The following TPRG1 variants were observed in gnomAD, a reference collection of about 807,000 sequenced individuals.
TPRG1 encodes tumor protein p63-regulated gene 1 protein.
Under a neutral mutation model 29.3 loss-of-function variants are expected in TPRG1, and 29 were observed. The observed-to-expected ratio is 0.99, with a 90% CI of 0.74 to 1.35. The LOEUF is 1.35. Ranked by LOEUF, TPRG1 falls within the 40% of genes most tolerant of loss-of-function variation. The pLI is 0.00. For synonymous variants in TPRG1, 130 were observed against 116.8 expected (o/e 1.11, Z -0.73); for missense variants, 327 against 335.0 (o/e 0.98, Z 0.19).
At chr3:189,108,517 T>C (rs1044941533) in intron 1 of TPRG1, among the ~76,000 whole-genome samples, 4 of 151,460 alleles carry the variant, frequency 2.6e-5, no homozygotes, top group Admixed American at 2.0e-4. Flanking sequence ...CCATAAATTT[T>C]ATTTTTTAGA....
chr3:189,070,086 A>C (rs560789611), intron 4 of TPRG1, among the ~76,000 whole-genome samples: 3 of 152,346 alleles, frequency 2.0e-5, no homozygotes, highest in Admixed American at 2.0e-4. Flanking sequence ...TTTCAAAAAA[A>C]GAAAAAAAGG....
intron 4 of TPRG1, chr3:189,267,562 G>A (rs1714329025): frequency 6.6e-6 from 1 of 152,192 alleles, no homozygotes; most frequent in South Asian, 2.1e-4. Flanking sequence ...AATTTTGGTA[G>A]AGAGTTATAA....
At chr3:189,193,985 A>G (rs1026305757) in intron 1 of TPRG1, among the ~76,000 whole-genome samples, 1 of 147,460 alleles carries the variant, frequency 6.8e-6, no homozygotes, top group African/African-American at 2.5e-5. Context: ...TTGCTTTTTC[A>G]TGTTTCTTAT....
At chr3:189,091,352 A>G (rs1718325319) in intron 4 of TPRG1, among the ~76,000 whole-genome samples, 1 of 152,176 alleles carries the variant, frequency 6.6e-6, no homozygotes, top group Admixed American at 6.5e-5. Flanking sequence ...ACCCATTTTA[A>G]GTATATATTT....
intron 3 of TPRG1, among the ~76,000 whole-genome samples, chr3:189,013,551 C>G (rs1712728002): frequency 6.6e-6 from 1 of 152,154 alleles, no homozygotes; most frequent in Non-Finnish European, 1.5e-5. Flanking sequence ...TGATCCAGAG[C>G]TGAGTTCAGG....
Position 189,158,288 on chromosome 3 carries a change from C to T in TPRG1, c.-10+7416C>T, listed in dbSNP as rs935211327. Among the ~76,000 whole-genome samples the T allele has an allele frequency of 7.2e-5, 11 of 152,040 alleles. No homozygotes were observed. The East Asian group carries it at 7.7e-4, about 11-fold the overall frequency. ...TCTTTATGCAGCTGGGGGAACTGAG[C>T]GGTTGAGGGATCTAAAGCATTTTAA... On this transcript the variant is annotated intron_variant, in intron 5 of 6. Coordinates refer to the TPRG1 transcript ENST00000412373.
At chr3:189,266,672 G>A (rs970764211) in intron 4 of TPRG1, among the ~76,000 whole-genome samples, 6 of 152,134 alleles carry the variant, frequency 3.9e-5, no homozygotes, top group Admixed American at 3.9e-4. Context: ...GACTCTGCAA[G>A]TATACAAAAC....
rs201972502 is a variant in TPRG1 at position 189,092,442 on chromosome 3, C to CT, written c.-462-34599dup. On this transcript the variant is annotated intron_variant, in intron 4 of 10. Coordinates refer to the TPRG1 transcript ENST00000433971. ...AGAATACATTATTTATCTGAAATTT[C>CT]TTTTTTTTTTTTTTTTGGTATCTTC... Among the ~76,000 whole-genome samples, 1,182 of 131,320 alleles carry CT rather than the reference C, an allele frequency of 9.0e-3. 14 individuals are homozygous for CT. Among genetic ancestry groups the CT allele is most frequent in the South Asian group, 0.015 (61 of 4,048 alleles). The allele number at this position is 131,320 out of a possible 152,430, so 86.2% of individuals were successfully genotyped here. A position where few individuals can be genotyped will look rare whatever the true frequency, so the allele number is the denominator to read the frequency against.
chr3:189,323,291 C>G lies in TPRG1; in HGVS notation c.*2471C>G, dbSNP rs764844341. On this transcript the variant is annotated 3_prime_UTR_variant, in exon 6 of 6. Coordinates refer to ENST00000345063, the MANE Select transcript of TPRG1 (RefSeq NM_198485.4). ...TGTTGCTAGTACTTAGTTAATTAGACCCATTTTTTTCTTAGGAAAGAGTTG... is the reference window on the plus strand; with the variant it reads ...TGTTGCTAGTACTTAGTTAATTAGAGCCATTTTTTTCTTAGGAAAGAGTTG... 1 of 152,008 alleles carries G rather than the reference C, an allele frequency of 6.6e-6. No individual in the cohort carries two copies. Among genetic ancestry groups the G allele is most frequent in the Non-Finnish European group, 1.5e-5 (1 of 67,982 alleles). 9.4% of individuals were successfully genotyped at this position (152,008 alleles called of 1,614,324 possible).
chr3:189,249,966 G>T (rs745739056), intron 4 of TPRG1, among the ~76,000 whole-genome samples: 1 of 152,090 alleles, frequency 6.6e-6, no homozygotes, highest in Non-Finnish European at 1.5e-5. Context: ...CCTTCTAAAA[G>T]ATGAAAAATT....
upstream of TPRG1, among the ~76,000 whole-genome samples, chr3:189,167,822 C>G (rs1209270638): frequency 6.6e-6 from 1 of 152,116 alleles, no homozygotes; most frequent in Non-Finnish European, 1.5e-5. Context: ...TCCAGAGAGT[C>G]TCGAAGTATT....
intron 4 of TPRG1, among the ~76,000 whole-genome samples, chr3:189,058,574 C>A (rs78542911): frequency 1.3e-5 from 2 of 152,268 alleles, no homozygotes; most frequent in African/African-American, 4.8e-5. Flanking sequence ...AAAGTCAAGG[C>A]GCTGTTAGAA....
chr3:189,303,281 G>GTT (rs753989291), intron 4 of TPRG1, among the ~76,000 whole-genome samples: 3 of 152,134 alleles, frequency 2.0e-5, no homozygotes, highest in Non-Finnish European at 4.4e-5. Context: ...AAGTATGTAA[G>GTT]TTTGAGAATG....
At chr3:189,158,375 A>G (rs1726979345) in intron 5 of TPRG1, among the ~76,000 whole-genome samples, 1 of 152,062 alleles carries the variant, frequency 6.6e-6, no homozygotes, top group South Asian at 2.1e-4. Context: ...TTGGGAGGCC[A>G]AGGCAGGCGG....
At chr3:189,134,203 C>A (rs1281796612) in intron 3 of TPRG1, among the ~76,000 whole-genome samples, 1 of 152,072 alleles carries the variant, frequency 6.6e-6, no homozygotes, top group Non-Finnish European at 1.5e-5. Flanking sequence ...GGGTAAATCA[C>A]CTGCCATCTC....
intron 4 of TPRG1, among the ~76,000 whole-genome samples, chr3:189,091,819 G>C (rs1578331969): frequency 6.6e-6 from 1 of 151,722 alleles, no homozygotes; most frequent in Admixed American, 6.6e-5. Context: ...TATCTTCTGT[G>C]TTACTTATTT....
intron 3 of TPRG1, chr3:189,218,116 C>G (rs1736351374): frequency 1.2e-6 from 1 of 862,228 alleles, no homozygotes; most frequent in Non-Finnish European, 1.4e-6. Flanking sequence ...ACACAAGATT[C>G]TCTCTTTTTT....
chr3:189,323,692 T>TA lies in TPRG1; in HGVS notation c.*2873dup, dbSNP rs1313135650. ...GACCTATGTGTACACTTGGAGTTTT[T>TA]ATCAGACTATCATTTGAACTTACCA... On this transcript the variant is annotated 3_prime_UTR_variant, in exon 6 of 6. Transcript: ENST00000345063. 2 of 152,176 alleles carry TA rather than the reference T, an allele frequency of 1.3e-5. No homozygotes were observed. Among genetic ancestry groups the TA allele is most frequent in the Admixed American group, 6.6e-5 (1 of 15,252 alleles). 9.4% of individuals were successfully genotyped at this position (152,176 alleles called of 1,614,324 possible). A position where few individuals can be genotyped will look rare whatever the true frequency, so the allele number is the denominator to read the frequency against.
intron 4 of TPRG1, among the ~76,000 whole-genome samples, chr3:189,296,082 T>C (rs1306596863): frequency 6.6e-6 from 1 of 152,226 alleles, no homozygotes; most frequent in Middle Eastern, 3.2e-3. Flanking sequence ...AAGTCAATGC[T>C]GGTCTTACCA....
Sources: gnomAD v4.1 joint callset for allele counts (sites outside exome capture counted in the v4.1 genomes callset) on GRCh38, gnomAD v4.1.1 for gene constraint, MANE v1.5 for transcripts, NCBI Gene and HGNC (gene_info 2026-07-23, HGNC 2026-07-21) for gene names.